Variants in KLF10 observed in about 807,000 individuals in gnomAD.
KLF10 encodes the protein KLF transcription factor 10.
Under a neutral mutation model 31.6 loss-of-function variants are expected in KLF10, and 17 were observed. That is an observed-to-expected ratio of 0.54 (90% CI 0.37 to 0.81). The LOEUF (loss-of-function observed/expected upper bound fraction) is 0.81, where lower values mean the gene tolerates loss of function less well. Among genes scored for constraint, KLF10 ranks in the 30% least tolerant of loss-of-function variants. The pLI is 0.00. For synonymous variants in KLF10, 239 were observed against 215.1 expected, an observed-to-expected ratio of 1.11 and a Z score of -0.97; for missense variants, 525 against 598.1, an observed-to-expected ratio of 0.88 and a Z score of 1.27.
chr8:102,651,969 T>C lies in KLF10; in HGVS notation c.363A>G (p.Ser121=). The change falls in exon 3 of 4, where the codon TCA becomes TCG. Residue 121 remains serine (S), a synonymous_variant. Transcript: ENST00000285407. The part of the protein sequence containing the change: ...APAPSTVHFK[S]LSDTAKPHIA... ...TGTGAGGTTTGGCAGTATCTGAGAGTGACTTGAAGTGTACAGTAGATGGCG... is the reference window on the plus strand; with the variant it reads ...TGTGAGGTTTGGCAGTATCTGAGAGCGACTTGAAGTGTACAGTAGATGGCG... The C allele has an allele frequency of 6.2e-7, 1 of 1,613,904 alleles. No homozygotes were observed. Among genetic ancestry groups the C allele is most frequent in the Non-Finnish European group, 8.5e-7 (1 of 1,180,000 alleles).
Position 102,655,707 on chromosome 8 carries a change from C to T in KLF10, c.-106G>A, listed in dbSNP as rs1284431680. 3 of 1,311,960 alleles carry T rather than the reference C, an allele frequency of 2.3e-6. No individual in the cohort carries two copies. Among genetic ancestry groups the T allele is most frequent in the African/African-American group, 2.9e-5 (2 of 68,586 alleles). The allele number at this position is 1,311,960 out of a possible 1,614,324, so 81.3% of individuals were successfully genotyped here. On this transcript the variant is annotated 5_prime_UTR_variant, in exon 1 of 4. Transcript: ENST00000285407. ...CACTCGACGCCGCTCCCGCCGCCGC[C>T]GCGCTCAGCGCCGTCTGCCCCCTCC...
intron 3 of KLF10, 122 bp from the exon 4 acceptor site, chr8:102,650,513 T>C (rs1221515324): frequency 1.2e-5 from 12 of 1,012,228 alleles, no homozygotes; most frequent in Non-Finnish European, 1.4e-5. Flanking sequence ...AATCAAACTG[T>C]CAAATGAATA....
chr8:102,653,474 T>G (rs1827266289), intron 1 of KLF10: 1 of 1,549,012 alleles, frequency 6.5e-7, no homozygotes, highest in South Asian at 1.2e-5. Flanking sequence ...ACTCACCATT[T>G]CTCCTATTTT....
chr8:102,651,132 T>C lies in KLF10; in HGVS notation c.1183+17A>G, dbSNP rs185801236. On this transcript the variant is annotated intron_variant, in intron 3 of 3. Coordinates refer to ENST00000285407, the MANE Select transcript of KLF10 (RefSeq NM_005655.4). ...TCTCTTCATTTAAACACTAAAGATA[T>C]AAGAAGTGGCTGGTACCTGTGTGCG... 3.3e-6 allele frequency: 5 copies of C among 1,493,816 alleles called. No individual in the cohort carries two copies. Among genetic ancestry groups the C allele is most frequent in the Admixed American group, 2.4e-5 (1 of 41,326 alleles). 92.5% of individuals were successfully genotyped at this position (1,493,816 alleles called of 1,614,324 possible).
At chr8:102,652,583 A>T (rs1393559230) in intron 1 of KLF10, among the ~76,000 whole-genome samples, 186 bp from the exon 2 acceptor site, 2 of 151,584 alleles carry the variant, frequency 1.3e-5, no homozygotes, top group Non-Finnish European at 2.9e-5. Flanking sequence ...CTTGTTAGGT[A>T]GGTAACCCAA....
At chr8:102,650,475 G>A (rs953957867) in intron 3 of KLF10, 84 bp from the exon 4 acceptor site, 23 of 1,327,896 alleles carry the variant, frequency 1.7e-5, no homozygotes, top group Non-Finnish European at 2.2e-5. Flanking sequence ...TATATGAGAA[G>A]ATACATTTTA....
At chr8:102,654,978 C>T (rs1292871798) in intron 1 of KLF10, among the ~76,000 whole-genome samples, 1 of 152,136 alleles carries the variant, frequency 6.6e-6, no homozygotes, top group Non-Finnish European at 1.5e-5. Flanking sequence ...ACAGGCGCCC[C>T]TTCCCCCAGC....
chr8:102,650,787 T>A (rs1360669148), intron 3 of KLF10, among the ~76,000 whole-genome samples: 1 of 151,588 alleles, frequency 6.6e-6, no homozygotes, highest in Non-Finnish European at 1.5e-5. Flanking sequence ...AGATACCTTA[T>A]TAAAGTAACT....
rs181101281 is a variant in KLF10, at chr8:102,651,307, G to A, written c.1025C>T (p.Ser342Phe). 1.2e-6 allele frequency: 2 copies of A among 1,605,212 alleles called. No homozygotes were observed. Among genetic ancestry groups the A allele is most frequent in the Non-Finnish European group, 1.7e-6 (2 of 1,175,996 alleles). Residue 342 changes from serine to phenylalanine, a missense_variant, in exon 3 of 4, where the codon TCT becomes TTT. Coordinates refer to ENST00000285407, the MANE Select transcript of KLF10 (RefSeq NM_005655.4). ...AAACCCAGGAGCAGGGGCAATGGGA[G>A]AGAGTCTGGTGCCATTCGGGCTCAC... ...PVVSPNGTRL[S>F]PIAPAPGFSP... is the part of the protein sequence containing the mutation.
chr8:102,650,287 C>T lies in KLF10; in HGVS notation c.1288G>A (p.Ala430Thr). 1.2e-6 allele frequency: 2 copies of T among 1,614,186 alleles called. No individual in the cohort carries two copies. The highest frequency in any genetic ancestry group is 1.7e-6 in the Non-Finnish European group (2 of 1,180,036). The change falls in exon 4 of 4, where the codon GCG (alanine) becomes ACG (threonine). Residue 430 changes from alanine to threonine, a missense_variant. Around this residue, in one of 3 missense-constraint regions of KLF10, gnomAD observed 49 missense variants for 105.0 expected, o/e 0.47. Coordinates refer to ENST00000285407, the MANE Select transcript of KLF10 (RefSeq NM_005655.4). ...AACCGCCGGTCACACATGGGGCACG[C>T]AAATTTCTTCTCACCCGTGTGGGTT... is the stretch of plus-strand genomic sequence containing the variant. ...RRTHTGEKKF[A>T]CPMCDRRFMR... is the part of the protein sequence containing the mutation.
intron 1 of KLF10, among the ~76,000 whole-genome samples, chr8:102,653,274 A>C (rs1229298493): frequency 6.6e-6 from 1 of 152,258 alleles, no homozygotes; most frequent in East Asian, 1.9e-4. Flanking sequence ...ATAATCAAAA[A>C]ATTTAATATT....
At chr8:102,654,790 A>T (rs2570968) in intron 1 of KLF10, among the ~76,000 whole-genome samples, 1 of 34,752 alleles carries the variant, frequency 2.9e-5, no homozygotes, top group African/African-American at 1.1e-4. Flanking sequence ...TTCCCGCCCC[A>T]GCTGCTGGGT....
rs772416391 is a variant in KLF10, at chr8:102,650,131, G to A, written c.*1C>T. On this transcript the variant is annotated 3_prime_UTR_variant, in exon 4 of 4. Transcript: ENST00000285407. Reference sequence around the variant, plus strand: ...GTTCTGACTCTTCACTTTCCGGTCTGTCACTGTGTGGGAGCAGGGGTTGGA... The same window carrying A: ...GTTCTGACTCTTCACTTTCCGGTCTATCACTGTGTGGGAGCAGGGGTTGGA... 6.2e-7 allele frequency: 1 copy of A among 1,614,098 alleles called. No homozygotes were observed. The highest frequency in any genetic ancestry group is 1.7e-4 in the Middle Eastern group (1 of 6,058).
intron 1 of KLF10, 37 bp from the exon 2 acceptor site, chr8:102,652,434 T>G: frequency 4.5e-6 from 6 of 1,323,884 alleles, no homozygotes; most frequent in Non-Finnish European, 6.2e-6. Context: ...TAAGCATATT[T>G]TTTGTCATCC....
intron 1 of KLF10, chr8:102,653,957 AC>A: frequency 1.0e-6 from 1 of 986,406 alleles, no homozygotes; most frequent in Non-Finnish European, 1.2e-6. Flanking sequence ...GGCCGCCCTA[AC>A]CTCAATGAGG....
chr8:102,655,436 CT>C (rs1326053803), intron 1 of KLF10, 129 bp downstream of exon 1: 30 of 1,219,912 alleles, frequency 2.5e-5, no homozygotes, highest in Non-Finnish European at 3.4e-5. Flanking sequence ...AAGCCCTTTC[CT>C]TCCCCACGAC....
chr8:102,652,462 A>T, intron 1 of KLF10, 65 bp from the exon 2 acceptor site: 2 of 875,100 alleles, frequency 2.3e-6, no homozygotes, highest in South Asian at 2.1e-5. Context: ...ACACAGAAAA[A>T]TGAGCAAATT....
chr8:102,650,058 G>A lies in KLF10; in HGVS notation c.*74C>T. 4 of 1,542,316 alleles carry A rather than the reference G, an allele frequency of 2.6e-6. No individual in the cohort carries two copies. Among genetic ancestry groups the A allele is most frequent in the Admixed American group, 1.9e-5 (1 of 53,582 alleles). ...CACGTTGTGGGGCCACAGACTTGCAGTGGAAGCATTTTTACATCACCACTG... is the reference window on the plus strand; with the variant it reads ...CACGTTGTGGGGCCACAGACTTGCAATGGAAGCATTTTTACATCACCACTG... On this transcript the variant is annotated 3_prime_UTR_variant, in exon 4 of 4. Transcript: ENST00000285407.
chr8:102,653,676 T>C (rs1587835506), intron 1 of KLF10: 1 of 1,276,596 alleles, frequency 7.8e-7, no homozygotes, highest in Non-Finnish European at 9.9e-7. Context: ...AATTGCATAA[T>C]CGCGCCCGCC....
Sources: gnomAD v4.1 joint callset for allele counts (sites outside exome capture counted in the v4.1 genomes callset) on GRCh38, gnomAD v4.1.1 for gene constraint, gnomAD v4.1.1 regional missense constraint, MANE v1.5 for transcripts, NCBI Gene and HGNC (gene_info 2026-07-23, HGNC 2026-07-21) for gene names.